Variants in MED4 observed in about 807,000 individuals in gnomAD.
The protein encoded by MED4 is mediator complex subunit 4.
In MED4, 21 loss-of-function variants were observed where a neutral mutation model predicts 35.0. The observed-to-expected ratio is 0.60, with a 90% CI of 0.43 to 0.86. The LOEUF is 0.86. Among genes scored for constraint, MED4 ranks in the 40% least tolerant of loss-of-function variants. The pLI is 0.00. For synonymous variants in MED4, 138 were observed against 114.0 expected (o/e 1.21, Z -1.34); for missense variants, 300 against 319.4 (o/e 0.94, Z 0.46).
intron 2 of MED4, among the ~76,000 whole-genome samples, chr13:48,087,043 C>T (rs1950853447): frequency 6.7e-6 from 1 of 148,666 alleles, no homozygotes; most frequent in African/African-American, 2.5e-5. Context: ...AAGACACTGT[C>T]TCAAAAAAAA....
chr13:48,082,073 AC>A (rs1431643946), intron 4 of MED4, among the ~76,000 whole-genome samples: 1 of 152,202 alleles, frequency 6.6e-6, no homozygotes, highest in Non-Finnish European at 1.5e-5. Flanking sequence ...TTTCTCAAAG[AC>A]ATCCAAGCTA....
intron 6 of MED4, 126 bp from the exon 7 acceptor site, chr13:48,077,437 C>T: frequency 1.3e-6 from 1 of 792,876 alleles, no homozygotes; most frequent in Non-Finnish European, 1.8e-6. Flanking sequence ...CTTTTTTTGA[C>T]ACAGGGTCTC....
intron 3 of MED4, among the ~76,000 whole-genome samples, chr13:48,084,853 TAATA>T (rs1950837919): frequency 6.6e-6 from 1 of 150,922 alleles, no homozygotes; most frequent in Non-Finnish European, 1.5e-5. Flanking sequence ...AATATATATA[TAATA>T]TATACAAACA....
chr13:48,081,932 T>A (rs1312503013), intron 4 of MED4, among the ~76,000 whole-genome samples: 1 of 152,178 alleles, frequency 6.6e-6, no homozygotes, highest in Non-Finnish European at 1.5e-5. Flanking sequence ...CCAGAAAAAT[T>A]AGCTGACATA....
intron 1 of MED4, among the ~76,000 whole-genome samples, chr13:48,094,723 G>A (rs890240426): frequency 2.0e-5 from 3 of 152,232 alleles, no homozygotes; most frequent in East Asian, 3.9e-4. Context: ...GGACGAAGAG[G>A]CTCAGACCGC....
intron 1 of MED4, among the ~76,000 whole-genome samples, chr13:48,090,658 T>G (rs951178300): frequency 6.6e-6 from 1 of 152,196 alleles, no homozygotes; most frequent in Non-Finnish European, 1.5e-5. Flanking sequence ...AACCTAAGCC[T>G]AATGCTTGGA....
At chr13:48,082,044 T>C (rs1388125825) in intron 4 of MED4, among the ~76,000 whole-genome samples, 1 of 152,126 alleles carries the variant, frequency 6.6e-6, no homozygotes, top group Admixed American at 6.5e-5. Context: ...ACAAATAAAA[T>C]AGAGAAAACA....
intron 1 of MED4, among the ~76,000 whole-genome samples, chr13:48,094,469 T>C (rs995936283): frequency 1.8e-4 from 28 of 152,286 alleles, no homozygotes; most frequent in African/African-American, 6.0e-4. Context: ...CCTAGTGAGT[T>C]TGGCGAGCTC....
chr13:48,090,179 T>C (rs982732665), intron 2 of MED4, among the ~76,000 whole-genome samples, 173 bp downstream of exon 2: 14 of 152,140 alleles, frequency 9.2e-5, no homozygotes, highest in African/African-American at 3.4e-4. Flanking sequence ...TTATCTTAAG[T>C]AAATGATACA....
chr13:48,083,687 T>G (rs1210752120), intron 3 of MED4, among the ~76,000 whole-genome samples: 1 of 152,218 alleles, frequency 6.6e-6, no homozygotes, highest in African/African-American at 2.4e-5. Context: ...TGGATTGTCT[T>G]TTTCTTCACG....
chr13:48,087,228 G>A (rs1950854909), intron 2 of MED4, among the ~76,000 whole-genome samples: 1 of 151,974 alleles, frequency 6.6e-6, no homozygotes, highest in African/African-American at 2.4e-5. Context: ...AGCTGGGCGT[G>A]GTGGTGCATG....
chr13:48,079,748 C>T lies in MED4; in HGVS notation c.640+96G>A, dbSNP rs1950790182. ...ATTTACAAAAAAAAAAAAATTGTGT[C>T]GGGAATCTCAAACTTGCTTTACCGC... On this transcript the variant is annotated intron_variant, in intron 6 of 6. Coordinates refer to ENST00000258648, the MANE Select transcript of MED4 (RefSeq NM_014166.4). The T allele has an allele frequency of 7.8e-6, 11 of 1,418,368 alleles. No individual in the cohort carries two copies. The South Asian group carries it at 8.0e-5, about 10-fold the overall frequency. The allele number at this position is 1,418,368 out of a possible 1,614,324, so 87.9% of individuals were successfully genotyped here.
intron 4 of MED4, among the ~76,000 whole-genome samples, 185 bp downstream of exon 4, chr13:48,083,186 A>G (rs1470957158): frequency 1.3e-5 from 2 of 152,268 alleles, no homozygotes; most frequent in Non-Finnish European, 1.5e-5. Context: ...ATCTGAAAAA[A>G]GATGTGATAC....
rs1950792696 is a variant in MED4, at chr13:48,079,956, G to A, written c.528C>T (p.Tyr176=). ...TWVPGDPRRP[Y]PTDLEMRSGL... ...CACTTCTCATCTCTAAATCAGTTGG[G>A]TAGGGTCTCCGGGGGTCCCCTAAAA... The change falls in exon 6 of 7, where the codon TAC becomes TAT. Residue 176 remains tyrosine (Y), a synonymous_variant. Coordinates refer to ENST00000258648, the MANE Select transcript of MED4 (RefSeq NM_014166.4). 6.2e-7 allele frequency: 1 copy of A among 1,613,626 alleles called. No individual in the cohort carries two copies. The highest frequency in any genetic ancestry group is 1.3e-5 in the African/African-American group (1 of 74,884).
intron 4 of MED4, 96 bp from the exon 5 acceptor site, chr13:48,081,827 A>G (rs1950810582): frequency 3.1e-6 from 2 of 638,208 alleles, no homozygotes; most frequent in Admixed American, 7.5e-5. Flanking sequence ...TTAATTTTAA[A>G]TTATCTGAAA....
intron 3 of MED4, among the ~76,000 whole-genome samples, chr13:48,085,149 GT>G (rs1276478617): frequency 6.6e-6 from 1 of 150,830 alleles, no homozygotes; most frequent in Non-Finnish European, 1.5e-5. Flanking sequence ...GATTACAAGT[GT>G]GAGCCACTGT....
At chr13:48,085,749 T>C (rs898189585) in intron 3 of MED4, among the ~76,000 whole-genome samples, 1 of 152,196 alleles carries the variant, frequency 6.6e-6, no homozygotes, top group East Asian at 1.9e-4. Context: ...ATAAGTTGCC[T>C]CTTTGAAATA....
At chr13:48,080,741 C>CTT (rs11299325) in intron 5 of MED4, among the ~76,000 whole-genome samples, 5,821 of 146,652 alleles carry the variant, frequency 0.04, 243 homozygotes, top group East Asian at 0.096. Context: ...AATTTAAAAT[C>CTT]TTTTTTTTTT....
At chr13:48,078,032 G>A (rs1331879068) in intron 6 of MED4, among the ~76,000 whole-genome samples, 1 of 152,084 alleles carries the variant, frequency 6.6e-6, no homozygotes, top group Non-Finnish European at 1.5e-5. Flanking sequence ...TAGAGGAACT[G>A]CTATTGTAAG....
Sources: allele counts gnomAD v4.1 joint callset (sites outside exome capture counted in the v4.1 genomes callset), GRCh38; gene constraint gnomAD v4.1.1; transcripts MANE v1.5; gene names NCBI Gene and HGNC (gene_info 2026-07-23, HGNC 2026-07-21).